Variants in VPS13C observed in about 807,000 individuals in gnomAD.
VPS13C encodes the protein vacuolar protein sorting 13 homolog C.
A neutral mutation model predicts 456.8 loss-of-function variants in VPS13C; 358 were observed. That is an observed-to-expected ratio of 0.78 (90% CI 0.72 to 0.86). VPS13C has a LOEUF of 0.86. Ranked by LOEUF, VPS13C falls within the 40% of genes least tolerant of loss-of-function variation. VPS13C has a pLI of 0.00. For missense variants in VPS13C, 4,818 were observed against 4,385.4 expected (o/e 1.10, Z -2.79); for synonymous variants, 1,578 against 1,486.7 (o/e 1.06, Z -1.41).
chr15:61,927,624 A>T (rs1257218846), intron 51 of VPS13C, among the ~76,000 whole-genome samples: 2 of 152,324 alleles, frequency 1.3e-5, no homozygotes, highest in Middle Eastern at 3.4e-3. Context: ...ACCACTGTGG[A>T]AGTCACTGTG....
intron 66 of VPS13C, among the ~76,000 whole-genome samples, chr15:61,900,215 C>T (rs1241728831): frequency 6.6e-6 from 1 of 152,142 alleles, no homozygotes; most frequent in African/African-American, 2.4e-5. Context: ...GACAGGGATG[C>T]CCTCTCTCAC....
intron 6 of VPS13C, among the ~76,000 whole-genome samples, chr15:62,028,094 G>A (rs766516084): frequency 2.0e-5 from 3 of 151,694 alleles, no homozygotes; most frequent in Non-Finnish European, 4.4e-5. Flanking sequence ...TCTAAGCTTC[G>A]TAAGAACAGT....
chr15:61,873,101 A>G (rs1895155295), intron 78 of VPS13C, 145 bp downstream of exon 78: 1 of 1,296,500 alleles, frequency 7.7e-7, no homozygotes, highest in South Asian at 1.5e-5. Flanking sequence ...GGGGAGCAAA[A>G]AGGAAACTGG....
Position 61,858,317 on chromosome 15 carries a change from ACTATCTATCTAT to A in VPS13C, c.10953-1920_10953-1909del, listed in dbSNP as rs55704364. On this transcript the variant is annotated intron_variant, in intron 82 of 84. Transcript: ENST00000644861. The surrounding 1 kb of genome is among the most constrained non-coding windows in gnomAD (Gnocchi z 4.4). ...ACTCGAGATTTTTATCCAAACTCCAACTATCTATCTATCTATCTATCTATCTATCTATCTATC... is the reference window on the plus strand; with the variant it reads ...ACTCGAGATTTTTATCCAAACTCCAACTATCTATCTATCTATCTATCTATC... 5.7e-3 allele frequency among the ~76,000 whole-genome samples: 838 copies of A among 147,632 alleles called. 7 individuals carry two copies. Among genetic ancestry groups the A allele is most frequent in the African/African-American group, 9.8e-3 (392 of 39,846 alleles).
At chr15:61,997,696 A>T (rs762807022) in intron 16 of VPS13C, among the ~76,000 whole-genome samples, 1 of 152,158 alleles carries the variant, frequency 6.6e-6, no homozygotes, top group African/African-American at 2.4e-5. Flanking sequence ...CTAGTCAGTC[A>T]GGAAATACTG....
chr15:61,981,582 C>T (rs1048513548), intron 21 of VPS13C, 104 bp from the exon 22 acceptor site: 42 of 1,241,376 alleles, frequency 3.4e-5, no homozygotes, highest in Middle Eastern at 3.0e-4. Flanking sequence ...TATTACAGGT[C>T]GGGTGCGGTG....
intron 67 of VPS13C, among the ~76,000 whole-genome samples, chr15:61,886,907 G>A (rs1896312311): frequency 6.6e-6 from 1 of 152,062 alleles, no homozygotes; most frequent in Non-Finnish European, 1.5e-5. Flanking sequence ...ACTTAAAGGA[G>A]AACTTCCTCA....
In VPS13C at chr15:61,867,596, T is replaced by C; in HGVS notation, c.10863+1063A>G. 5 of 1,055,350 alleles carry C rather than the reference T, an allele frequency of 4.7e-6. No homozygotes were observed. Among genetic ancestry groups the C allele is most frequent in the Non-Finnish European group, 5.7e-6 (5 of 876,562 alleles). The allele number at this position is 1,055,350 out of a possible 1,614,324, so 65.4% of individuals were successfully genotyped here. The stretch of plus-strand genomic sequence containing the variant: ...TTTTCAATTTTACCTGAAATGCACA[T>C]GAACACCATAAGATAAAATTTTCGA... On this transcript the variant is annotated intron_variant, in intron 81 of 84. Transcript: ENST00000644861. This position sits in a 1 kb window ranked among gnomAD's most constrained non-coding sequence, Gnocchi z 5.0.
rs150690428 is a variant in VPS13C, at chr15:61,867,620, G to A, written c.10863+1039C>T. 1.3e-3 allele frequency: 1,414 copies of A among 1,091,394 alleles called. 17 individuals are homozygous for A. In the African/African-American group the frequency reaches 0.022, roughly 17 times the overall value. 67.6% of individuals were successfully genotyped at this position (1,091,394 alleles called of 1,614,324 possible). A position where few individuals can be genotyped will look rare whatever the true frequency, so the allele number is the denominator to read the frequency against. On this transcript the variant is annotated intron_variant, in intron 81 of 84. Transcript: ENST00000644861. This position sits in a 1 kb window ranked among gnomAD's most constrained non-coding sequence, Gnocchi z 5.0. ...ATGAACACCATAAGATAAAATTTTCGAAATGATAGTAACAGTATCTGCTTC... is the reference window on the plus strand; with the variant it reads ...ATGAACACCATAAGATAAAATTTTCAAAATGATAGTAACAGTATCTGCTTC...
At chr15:61,970,354 A>G (rs540985313) in intron 27 of VPS13C, among the ~76,000 whole-genome samples, 1 of 152,204 alleles carries the variant, frequency 6.6e-6, no homozygotes, top group South Asian at 2.1e-4. Context: ...TAACCCACAA[A>G]CCTGTAAGCA....
At chr15:61,951,131 T>G (rs1445394901) in intron 39 of VPS13C, 107 bp from the exon 40 acceptor site, 2 of 631,680 alleles carry the variant, frequency 3.2e-6, no homozygotes, top group African/African-American at 1.8e-5. Flanking sequence ...AACTCAGGAC[T>G]GTACACTAAA....
rs763532038 is a variant in VPS13C at position 61,954,412 on chromosome 15, A to G, written c.4299+9T>C. Reference sequence around the variant, plus strand: ...CCTCACTTTACAAAAACAGATGAAAATTACACACCTCTTTAATTTCAAAAT... The same window carrying G: ...CCTCACTTTACAAAAACAGATGAAAGTTACACACCTCTTTAATTTCAAAAT... On this transcript the variant is annotated intron_variant, in intron 38 of 84. Coordinates refer to ENST00000644861, the MANE Select transcript of VPS13C (RefSeq NM_020821.3). 3.1e-6 allele frequency: 5 copies of G among 1,601,658 alleles called. No homozygotes were observed. In the South Asian group the frequency reaches 4.6e-5, roughly 15 times the overall value.
chr15:62,013,141 G>A lies in VPS13C; in HGVS notation c.745-22C>T, dbSNP rs548035074. Reference sequence around the variant, plus strand: ...TAAGCTATAAGAGAAAAATGAAAGAGATCAGGCAATCAACACACTGAAATT... The same window carrying A: ...TAAGCTATAAGAGAAAAATGAAAGAAATCAGGCAATCAACACACTGAAATT... On this transcript the variant is annotated intron_variant, in intron 10 of 84. Transcript: ENST00000644861. 8 of 1,553,012 alleles carry A rather than the reference G, an allele frequency of 5.2e-6. No homozygotes were observed. The South Asian group carries it at 8.4e-5, about 16-fold the overall frequency.
rs1276151738 is a variant in VPS13C, at chr15:61,922,572, A to G, written c.6800T>C (p.Ile2267Thr). Residue 2267 changes from isoleucine (I) to threonine (T), a missense_variant, in exon 54 of 85, where the codon ATT becomes ACT. Physicochemically the swap from Ile to Thr is moderately conservative, Grantham distance 89 (BLOSUM62 -1). Coordinates refer to ENST00000644861, the MANE Select transcript of VPS13C (RefSeq NM_020821.3). ...ATEITESFKG[I>T]EHSLIEENCG... ...ATTTTCCTCTATCAGTGAATGTTCA[A>G]TGCCTTTGAAGCTTTCCGTTATTTC... The G allele has an allele frequency of 2.5e-6, 4 of 1,614,020 alleles. No individual in the cohort carries two copies. The highest frequency in any genetic ancestry group is 2.2e-5 in the South Asian group (2 of 91,088).
At chr15:62,001,088 G>C (rs751187944) in intron 15 of VPS13C, among the ~76,000 whole-genome samples, 1 of 152,144 alleles carries the variant, frequency 6.6e-6, no homozygotes, top group Non-Finnish European at 1.5e-5. Flanking sequence ...AAACTGATTT[G>C]AGGCATTTAT....
intron 82 of VPS13C, among the ~76,000 whole-genome samples, chr15:61,857,251 C>T (rs924372741): frequency 7.2e-5 from 11 of 152,076 alleles, no homozygotes; most frequent in Non-Finnish European, 1.5e-4. Flanking sequence ...AACGCTACAG[C>T]ACAATTAGAC....
chr15:61,869,116 CTTTTTTTTTTTT>C (rs68084709), intron 80 of VPS13C, among the ~76,000 whole-genome samples: 2 of 131,334 alleles, frequency 1.5e-5, no homozygotes, highest in South Asian at 2.5e-4. Context: ...TTTCTTTTTT[CTTTTTTTTTTTT>C]TTTTTTTGAG....
intron 77 of VPS13C, among the ~76,000 whole-genome samples, chr15:61,873,825 T>C (rs953030889): frequency 5.3e-5 from 8 of 152,046 alleles, no homozygotes; most frequent in Middle Eastern, 3.2e-3. Context: ...ACTGGGTATA[T>C]ACCCAAAAGA....
chr15:61,930,135 T>C (rs1222387211), intron 50 of VPS13C, among the ~76,000 whole-genome samples: 4 of 152,216 alleles, frequency 2.6e-5, no homozygotes, highest in Non-Finnish European at 5.9e-5. Flanking sequence ...TTTAATATTA[T>C]TTATGAAATA....
Sources: allele counts gnomAD v4.1 joint callset (sites outside exome capture counted in the v4.1 genomes callset), GRCh38; gene constraint gnomAD v4.1.1; non-coding constraint Gnocchi (gnomAD v3.1); transcripts MANE v1.5; gene names NCBI Gene and HGNC (gene_info 2026-07-23, HGNC 2026-07-21).